The following GAS7 variants were observed in gnomAD, a reference collection of about 807,000 sequenced individuals.
The protein encoded by GAS7 is growth arrest-specific protein 7.
Under a neutral mutation model 71.1 loss-of-function variants are expected in GAS7, and 28 were observed. That is an observed-to-expected ratio of 0.39 (90% CI 0.29 to 0.54). The LOEUF (loss-of-function observed/expected upper bound fraction) is 0.54, where lower values mean the gene tolerates loss of function less well. Ranked by LOEUF, GAS7 falls within the 20% of genes least tolerant of loss-of-function variation. The pLI is 0.62. For synonymous variants in GAS7, 258 were observed against 245.8 expected, an observed-to-expected ratio of 1.05 and a Z score of -0.46; for missense variants, 436 against 627.8, an observed-to-expected ratio of 0.69 and a Z score of 3.27.
At chr17:10,186,371 C>T (rs963317879) in intron 1 of GAS7, among the ~76,000 whole-genome samples, 3 of 150,852 alleles carry the variant, frequency 2.0e-5, no homozygotes, top group Non-Finnish European at 4.4e-5. Context: ...GATGTCCCTA[C>T]ACCAGAAGCC....
intron 1 of GAS7, among the ~76,000 whole-genome samples, chr17:10,194,640 C>A (rs913306017): frequency 1.3e-5 from 2 of 152,170 alleles, no homozygotes; most frequent in African/African-American, 4.8e-5. Context: ...TATCTCTGGT[C>A]TCAGGTCTCT....
chr17:10,050,536 T>C (rs1042608008), intron 1 of GAS7, among the ~76,000 whole-genome samples: 15 of 152,054 alleles, frequency 9.9e-5, no homozygotes, highest in African/African-American at 3.4e-4. Context: ...ACTAGAGGGC[T>C]AGCACATGGT....
Position 9,919,801 on chromosome 17 carries a change from C to G in GAS7, c.1139-96G>C. The G allele has an allele frequency of 1.1e-6, 1 of 918,352 alleles. No homozygotes were observed. Among genetic ancestry groups the G allele is most frequent in the Admixed American group, 1.7e-5 (1 of 58,338 alleles). 56.9% of individuals were successfully genotyped at this position (918,352 alleles called of 1,614,324 possible). A position where few individuals can be genotyped will look rare whatever the true frequency, so the allele number is the denominator to read the frequency against. On this transcript the variant is annotated intron_variant, in intron 11 of 13. Coordinates refer to ENST00000432992, the MANE Select transcript of GAS7 (RefSeq NM_201433.2). The surrounding 1 kb of genome is among the most constrained non-coding windows in gnomAD (Gnocchi z 5.0). ...CCCACAGCCAAGCCTTCTCCTCCCCCTGGGGTCATGGTGGCCGCTGGAAAG... is the reference window on the plus strand; with the variant it reads ...CCCACAGCCAAGCCTTCTCCTCCCCGTGGGGTCATGGTGGCCGCTGGAAAG...
At chr17:10,005,269 A>T (rs1327527469) in intron 2 of GAS7, among the ~76,000 whole-genome samples, 2 of 149,046 alleles carry the variant, frequency 1.3e-5, no homozygotes, top group Non-Finnish European at 1.5e-5. Flanking sequence ...ACATACATGT[A>T]TGTATATGTA....
intron 1 of GAS7, among the ~76,000 whole-genome samples, chr17:10,073,906 G>A (rs966764306): frequency 1.3e-5 from 2 of 152,216 alleles, no homozygotes; most frequent in African/African-American, 4.8e-5. Context: ...GAGCCTGGCA[G>A]AGTAACATCT....
chr17:10,099,587 G>A (rs1246173482), intron 1 of GAS7, among the ~76,000 whole-genome samples: 4 of 152,166 alleles, frequency 2.6e-5, no homozygotes, highest in African/African-American at 9.7e-5. Context: ...CGGCGGGGGA[G>A]TGGAGACATT....
chr17:9,986,615 G>A (rs900333383), intron 2 of GAS7, among the ~76,000 whole-genome samples: 2 of 152,132 alleles, frequency 1.3e-5, no homozygotes, highest in Non-Finnish European at 1.5e-5. Flanking sequence ...CTAGGTGGAC[G>A]CTGGCCTGCA....
At chr17:10,138,722 G>T (rs972263319) in intron 1 of GAS7, among the ~76,000 whole-genome samples, 4 of 151,924 alleles carry the variant, frequency 2.6e-5, no homozygotes, top group Admixed American at 2.6e-4. Context: ...AGCCGAGATC[G>T]TGCCACTGCA....
intron 13 of GAS7, 64 bp from the exon 14 acceptor site, chr17:9,917,405 T>A: frequency 8.8e-7 from 1 of 1,139,786 alleles, no homozygotes; most frequent in Non-Finnish European, 1.3e-6. Context: ...AGGTCTCCTC[T>A]GAGACATGCT....
chr17:10,134,267 A>G (rs910857233), intron 1 of GAS7, among the ~76,000 whole-genome samples: 2 of 151,818 alleles, frequency 1.3e-5, no homozygotes, highest in Non-Finnish European at 2.9e-5. Context: ...TCCTGACCTC[A>G]TGATCCGCCC....
chr17:9,973,974 G>A (rs543186544), intron 3 of GAS7, among the ~76,000 whole-genome samples: 1 of 152,088 alleles, frequency 6.6e-6, no homozygotes, highest in Admixed American at 6.5e-5. Flanking sequence ...AGGAGACCCT[G>A]ACTCCCTCCC....
At position 9,986,725 on chromosome 17, in the gene GAS7, C is replaced by T. The variant is rs183159273; in HGVS notation, c.305-4841G>A. On this transcript the variant is annotated intron_variant, in intron 2 of 13. Transcript: ENST00000432992. ...CAGACCCCCCACAAGCTAGAGTCTCCGTAAGTACCATATCCCTCCCCTCTA... is the reference window on the plus strand; with the variant it reads ...CAGACCCCCCACAAGCTAGAGTCTCTGTAAGTACCATATCCCTCCCCTCTA... Among the ~76,000 whole-genome samples, 6 of 152,312 alleles carry T rather than the reference C, an allele frequency of 3.9e-5. No homozygotes were observed. The East Asian group carries it at 7.7e-4, about 20-fold the overall frequency.
At chr17:10,131,941 G>A (rs953255833) in intron 1 of GAS7, among the ~76,000 whole-genome samples, 3 of 152,094 alleles carry the variant, frequency 2.0e-5, no homozygotes, top group African/African-American at 7.2e-5. Context: ...GCATGAAAAG[G>A]TACTCATGAA....
chr17:10,142,238 T>C (rs907553777), intron 1 of GAS7, among the ~76,000 whole-genome samples: 1 of 148,238 alleles, frequency 6.7e-6, no homozygotes, highest in East Asian at 2.0e-4. Flanking sequence ...CAAAAAAAGG[T>C]ACATAGTAGT....
chr17:9,985,691 C>G (rs78274136), intron 2 of GAS7, among the ~76,000 whole-genome samples: 1 of 152,202 alleles, frequency 6.6e-6, no homozygotes, highest in Admixed American at 6.5e-5. Flanking sequence ...AGAGAGCTGC[C>G]GTGCCCAAGG....
In GAS7 at chr17:10,130,288, C is replaced by G. The variant is rs532062840; in HGVS notation, c.183+67920G>C. ...TTCAGGGAAATGCAAATTAAAACCA[C>G]AGTGAGATACCACTTCACACCCACT... is the stretch of plus-strand genomic sequence containing the variant. On this transcript the variant is annotated intron_variant, in intron 1 of 13. Transcript: ENST00000432992. 1.1e-4 allele frequency among the ~76,000 whole-genome samples: 16 copies of G among 148,256 alleles called. No individual in the cohort carries two copies. The East Asian group carries it at 2.4e-3, about 22-fold the overall frequency.
chr17:10,005,348 T>C (rs62065811), intron 2 of GAS7, among the ~76,000 whole-genome samples: 28,337 of 144,750 alleles, frequency 0.2, 4,133 homozygotes, highest in African/African-American at 0.45. Context: ...CACACACACA[T>C]ATATATATAT....
intron 1 of GAS7, among the ~76,000 whole-genome samples, chr17:10,131,939 A>G (rs1438979826): frequency 1.3e-5 from 2 of 152,262 alleles, no homozygotes; most frequent in Non-Finnish European, 2.9e-5. Context: ...CTGCATGAAA[A>G]GGTACTCATG....
intron 1 of GAS7, chr17:10,114,437 C>G (rs1308191074): frequency 6.6e-6 from 1 of 152,200 alleles, no homozygotes; most frequent in Non-Finnish European, 1.5e-5. Context: ...AGGTCCTCCC[C>G]TTACCTAAAT....
Sources: gnomAD v4.1 joint callset for allele counts (sites outside exome capture counted in the v4.1 genomes callset) on GRCh38, gnomAD v4.1.1 for gene constraint, Gnocchi (gnomAD v3.1) non-coding constraint, MANE v1.5 for transcripts, NCBI Gene and HGNC (gene_info 2026-07-23, HGNC 2026-07-21) for gene names.